Variants in CDK14 observed in about 807,000 individuals in gnomAD.
CDK14 encodes cyclin dependent kinase 14, also known as cyclin-dependent kinase 14.
In CDK14, 34 loss-of-function variants were observed where a neutral mutation model predicts 60.7. The ratio of observed to expected loss-of-function variants is 0.56; its 90% CI spans 0.43 to 0.75. The LOEUF (loss-of-function observed/expected upper bound fraction) is 0.75. Ranked by LOEUF, CDK14 falls within the 30% of genes least tolerant of loss-of-function variation. The probability of loss-of-function intolerance (pLI) is 0.00; values close to 1 mark genes in which losing one functional copy is unlikely to be tolerated. For missense variants in CDK14, 482 were observed against 564.1 expected (o/e 0.85, Z 1.47); for synonymous variants, 197 against 203.7 (o/e 0.97, Z 0.28).
intron 5 of CDK14, among the ~76,000 whole-genome samples, chr7:90,818,368 T>C (rs763414540): frequency 1.3e-5 from 2 of 152,210 alleles, no homozygotes; most frequent in Non-Finnish European, 2.9e-5. Context: ...GTTGTTGCCT[T>C]ATCAGGAGAG....
At chr7:90,710,545 T>A (rs1023937421) in intron 2 of CDK14, 64 of 985,188 alleles carry the variant, frequency 6.5e-5, no homozygotes, top group Non-Finnish European at 7.7e-5. Context: ...GCTTTAAGTG[T>A]GTACTGCTGA....
At chr7:90,606,035 A>G (rs1051396767) in intron 2 of CDK14, among the ~76,000 whole-genome samples, 5 of 152,200 alleles carry the variant, frequency 3.3e-5, no homozygotes, top group African/African-American at 1.2e-4. Context: ...AATCATCCTT[A>G]GCTTTTGCAA....
intron 10 of CDK14, among the ~76,000 whole-genome samples, chr7:91,040,231 A>C (rs1185261065): frequency 6.6e-6 from 1 of 151,868 alleles, no homozygotes. Context: ...CTGCATTTCC[A>C]CCTGATTATC....
chr7:90,918,602 T>A (rs761497136), intron 8 of CDK14, among the ~76,000 whole-genome samples: 1 of 152,234 alleles, frequency 6.6e-6, no homozygotes, highest in Admixed American at 6.5e-5. Flanking sequence ...CGTGTTGACA[T>A]TGCATTGCCT....
At chr7:91,118,267 A>G in intron 14 of CDK14, 59 bp downstream of exon 14, 1 of 787,802 alleles carries the variant, frequency 1.3e-6, no homozygotes, top group Non-Finnish European at 2.1e-6. Flanking sequence ...CGGATTCTTT[A>G]AGTGAAATAT....
rs374511240 is a variant in CDK14, at chr7:90,773,159, C to A, written c.465-17414C>A. 1.2e-4 allele frequency among the ~76,000 whole-genome samples: 18 copies of A among 152,242 alleles called. No individual in the cohort carries two copies. The East Asian group carries it at 2.7e-3, about 23-fold the overall frequency. On this transcript the variant is annotated intron_variant, in intron 4 of 14. Coordinates refer to ENST00000380050, the MANE Select transcript of CDK14 (RefSeq NM_001287135.2). ...GATTAAATAATTTGATCATGAGTGTCTTGAAAGAAAAAACAGTTATAAGCA... is the reference window on the plus strand; with the variant it reads ...GATTAAATAATTTGATCATGAGTGTATTGAAAGAAAAAACAGTTATAAGCA...
chr7:91,172,482 C>A (rs568850082), intron 14 of CDK14, among the ~76,000 whole-genome samples: 1 of 152,312 alleles, frequency 6.6e-6, no homozygotes, highest in East Asian at 1.9e-4. Flanking sequence ...TTACCACTGC[C>A]CATTTTCCTC....
Position 91,177,848 on chromosome 7 carries a change from G to A in CDK14, c.*29-29317G>A, listed in dbSNP as rs1480267747. 3.8e-3 allele frequency among the ~76,000 whole-genome samples: 551 copies of A among 145,958 alleles called. 1 individual carries two copies. The highest frequency in any genetic ancestry group is 4.6e-3 in the Non-Finnish European group (303 of 66,182). ...ATGGAAGAACATTCCATGCTCATGG[G>A]TAGGAAGAATCAATATTGTGAAAAT... On this transcript the variant is annotated intron_variant, in intron 14 of 14. Coordinates refer to ENST00000380050, the MANE Select transcript of CDK14 (RefSeq NM_001287135.2).
chr7:90,812,990 A>C (rs1247593947), intron 5 of CDK14, among the ~76,000 whole-genome samples: 2 of 152,232 alleles, frequency 1.3e-5, no homozygotes, highest in African/African-American at 4.8e-5. Flanking sequence ...ATTATTATGC[A>C]GAATAGCCAA....
chr7:90,623,550 G>T (rs538699662), intron 2 of CDK14, among the ~76,000 whole-genome samples: 122 of 152,278 alleles, frequency 8.0e-4, no homozygotes, highest in South Asian at 3.1e-3. Flanking sequence ...TAAGGTATTA[G>T]TTGTTTTTTT....
chr7:91,074,849 G>C (rs1257530309), intron 11 of CDK14, among the ~76,000 whole-genome samples: 1 of 152,050 alleles, frequency 6.6e-6, no homozygotes, highest in Non-Finnish European at 1.5e-5. Flanking sequence ...TACCATCAGA[G>C]AATACTGTAA....
At chr7:91,069,449 A>C (rs1048316435) in intron 11 of CDK14, among the ~76,000 whole-genome samples, 3 of 152,004 alleles carry the variant, frequency 2.0e-5, no homozygotes, top group African/African-American at 7.3e-5. Context: ...GCTGAGGTGG[A>C]AGGATCCCTT....
chr7:90,775,172 CA>C (rs1804965465), intron 4 of CDK14, among the ~76,000 whole-genome samples: 2 of 152,102 alleles, frequency 1.3e-5, no homozygotes, highest in South Asian at 4.1e-4. Context: ...ATCTTTGGAC[CA>C]AGAGGCTTGA....
chr7:90,888,884 A>G (rs1349170580), intron 6 of CDK14, among the ~76,000 whole-genome samples: 2 of 152,240 alleles, frequency 1.3e-5, no homozygotes, highest in East Asian at 1.9e-4. Flanking sequence ...GTTTGACTCC[A>G]TGAACATTTG....
intron 14 of CDK14, among the ~76,000 whole-genome samples, chr7:91,199,332 A>AT (rs1166655611): frequency 4.6e-5 from 7 of 150,598 alleles, no homozygotes. Context: ...ATGTTTTTTT[A>AT]TTAAAAAAAA....
intron 2 of CDK14, among the ~76,000 whole-genome samples, chr7:90,691,984 A>C (rs1251969602): frequency 6.6e-6 from 1 of 152,120 alleles, no homozygotes; most frequent in Admixed American, 6.6e-5. Flanking sequence ...TTTATTTCAG[A>C]TGAGTGAGTT....
intron 3 of CDK14, among the ~76,000 whole-genome samples, chr7:90,745,944 G>C (rs1402182115): frequency 6.6e-6 from 1 of 152,158 alleles, no homozygotes; most frequent in Non-Finnish European, 1.5e-5. Context: ...GGGATGGGGA[G>C]ACATTGCTTT....
intron 14 of CDK14, among the ~76,000 whole-genome samples, chr7:91,160,096 T>C (rs756417721): frequency 3.3e-5 from 5 of 152,290 alleles, no homozygotes; most frequent in African/African-American, 1.2e-4. Flanking sequence ...TCCACTCAGA[T>C]TGGGAAAATG....
intron 2 of CDK14, among the ~76,000 whole-genome samples, chr7:90,667,701 C>T (rs1364568387): frequency 6.6e-6 from 1 of 152,028 alleles, no homozygotes; most frequent in Non-Finnish European, 1.5e-5. Context: ...TCCTGAGTAG[C>T]TGGGACTATA....
Sources: gnomAD v4.1 joint callset for allele counts (sites outside exome capture counted in the v4.1 genomes callset) on GRCh38, gnomAD v4.1.1 for gene constraint, MANE v1.5 for transcripts, NCBI Gene and HGNC (gene_info 2026-07-23, HGNC 2026-07-21) for gene names.